TAF4: variants seen among roughly 807,000 people sequenced by gnomAD.
The protein encoded by TAF4 is transcription initiation factor TFIID subunit 4.
A neutral mutation model predicts 90.3 loss-of-function variants in TAF4; 9 were observed. The ratio of observed to expected loss-of-function variants is 0.10; its 90% CI spans 0.06 to 0.17. The LOEUF (loss-of-function observed/expected upper bound fraction) is 0.17. Among genes scored for constraint, TAF4 ranks in the 10% least tolerant of loss-of-function variants. The pLI is 1.00. For missense variants in TAF4, 1,351 were observed against 1,370.7 expected, an observed-to-expected ratio of 0.99 and a Z score of 0.23; for synonymous variants, 818 against 638.9, an observed-to-expected ratio of 1.28 and a Z score of -4.23.
At chr20:62,033,527 A>C (rs916950681) in intron 1 of TAF4, among the ~76,000 whole-genome samples, 4 of 152,146 alleles carry the variant, frequency 2.6e-5, no homozygotes, top group African/African-American at 9.7e-5. Context: ...ACTTGAGGTA[A>C]GGGGTTCAAG....
intron 1 of TAF4, among the ~76,000 whole-genome samples, chr20:62,045,805 T>C (rs1452868788): frequency 3.3e-5 from 5 of 149,572 alleles, no homozygotes; most frequent in East Asian, 3.9e-4. Context: ...CAGACGCTCC[T>C]GCTTGGACGA....
chr20:62,005,219 G>C (rs1009206238), intron 7 of TAF4: 1 of 152,170 alleles, frequency 6.6e-6, no homozygotes, highest in Non-Finnish European at 1.5e-5. Context: ...GCGGTGCAGG[G>C]AGCCTGTCAT....
Position 62,006,695 on chromosome 20 carries a change from G to A in TAF4, c.2038C>T (p.Gln680Ter). The change falls in exon 7 of 15, where the codon CAG (glutamine) becomes TAG (stop). Residue 680 changes from glutamine to a stop codon, truncating the protein, a stop_gained. Transcript: ENST00000252996. LOFTEE classifies it high-confidence loss of function. The surrounding 1 kb of genome is among the most constrained non-coding windows in gnomAD (Gnocchi z 7.0). ...DSAAFIQQSQ[Q>*]QPPPPTSQAT... ...TGCGAGGTGGGCGGTGGCGGCTGCT[G>A]CTGGCTCTGCTGGATGAAGGCCGCG... 1.3e-6 allele frequency: 2 copies of A among 1,589,982 alleles called. No individual in the cohort carries two copies. Among genetic ancestry groups the A allele is most frequent in the African/African-American group, 1.4e-5 (1 of 73,962 alleles).
Position 61,975,160 on chromosome 20 carries a change from T to TA in TAF4, c.*1007dup, listed in dbSNP as rs1019777756. On this transcript the variant is annotated 3_prime_UTR_variant, in exon 15 of 15. Coordinates refer to ENST00000252996, the MANE Select transcript of TAF4 (RefSeq NM_003185.4). ...AAAGAACCAATTAGTATATTTGTAA[T>TA]AAAAAAATAGGTACAAAGAAGGGGC... The TA allele has an allele frequency of 2.0e-5, 3 of 152,290 alleles. No individual in the cohort carries two copies. Among genetic ancestry groups the TA allele is most frequent in the African/African-American group, 4.8e-5 (2 of 41,422 alleles). The allele number at this position is 152,290 out of a possible 1,614,324, so 9.4% of individuals were successfully genotyped here.
At chr20:62,036,686 AG>A (rs1190569387) in intron 1 of TAF4, among the ~76,000 whole-genome samples, 1 of 152,274 alleles carries the variant, frequency 6.6e-6, no homozygotes, top group Non-Finnish European at 1.5e-5. Flanking sequence ...AGACTAAAAA[AG>A]AAAAACCATA....
rs1377489928 is a variant in TAF4, at chr20:61,997,912, G to GC, written c.2970+223dup. ...GCAAGTCAAAAGCACAGAGACTAAT[G>GC]CCCCCCGCAAAGGGAAGTCACCGTT... On this transcript the variant is annotated intron_variant, in intron 13 of 14. Transcript: ENST00000252996. 5.9e-5 allele frequency among the ~76,000 whole-genome samples: 9 copies of GC among 152,084 alleles called. 1 individual carries two copies. Among genetic ancestry groups the GC allele is most frequent in the Non-Finnish European group, 1.3e-4 (9 of 68,016 alleles).
At chr20:62,014,040 G>C (rs953751245) in intron 2 of TAF4, among the ~76,000 whole-genome samples, 1 of 134,750 alleles carries the variant, frequency 7.4e-6, no homozygotes, top group South Asian at 2.4e-4. Context: ...GTGTGTGTGT[G>C]TGTGTATGTG....
At chr20:62,001,933 G>C (rs760780660) in intron 9 of TAF4, among the ~76,000 whole-genome samples, 3 of 152,146 alleles carry the variant, frequency 2.0e-5, no homozygotes, top group Non-Finnish European at 4.4e-5. Context: ...AGTGTTACTG[G>C]GGCGTTACTG....
chr20:62,017,906 T>A (rs1442787678), intron 1 of TAF4, among the ~76,000 whole-genome samples: 1 of 150,476 alleles, frequency 6.6e-6, no homozygotes, highest in East Asian at 1.9e-4. Context: ...ATTAACAAAA[T>A]AGCAATGTGG....
chr20:62,063,516 G>C (rs995888518), intron 1 of TAF4, among the ~76,000 whole-genome samples: 2 of 152,232 alleles, frequency 1.3e-5, no homozygotes, highest in African/African-American at 4.8e-5. Flanking sequence ...TCAAACTTGA[G>C]GGGCCCTGAG....
intron 1 of TAF4, among the ~76,000 whole-genome samples, chr20:62,027,190 A>T (rs1314178199): frequency 2.0e-5 from 3 of 152,226 alleles, no homozygotes; most frequent in African/African-American, 7.2e-5. Context: ...CTCAGGGCCC[A>T]GTGCAGAAAC....
At position 61,975,987 on chromosome 20, in the gene TAF4, C is replaced by T. The variant is rs1379790952; in HGVS notation, c.*181G>A. On this transcript the variant is annotated 3_prime_UTR_variant, in exon 15 of 15. Coordinates refer to ENST00000252996, the MANE Select transcript of TAF4 (RefSeq NM_003185.4). ...TTGTCCTTTAAGAGTATCCACAGGCCTTTGTGTTCTCTCTGTTACAGAAAC... is the reference window on the plus strand; with the variant it reads ...TTGTCCTTTAAGAGTATCCACAGGCTTTTGTGTTCTCTCTGTTACAGAAAC... 1.5e-6 allele frequency: 1 copy of T among 650,148 alleles called. No individual in the cohort carries two copies. Among genetic ancestry groups the T allele is most frequent in the East Asian group, 2.8e-5 (1 of 36,308 alleles). 40.3% of individuals were successfully genotyped at this position (650,148 alleles called of 1,614,324 possible). A position where few individuals can be genotyped will look rare whatever the true frequency, so the allele number is the denominator to read the frequency against.
At chr20:62,035,822 C>T (rs1179937490) in intron 1 of TAF4, among the ~76,000 whole-genome samples, 2 of 152,000 alleles carry the variant, frequency 1.3e-5, no homozygotes, top group Non-Finnish European at 2.9e-5. Context: ...TACAAAGGAA[C>T]AGTAACCAGA....
intron 14 of TAF4, chr20:61,980,562 C>T (rs73297753): frequency 0.028 from 4,318 of 152,418 alleles, 126 homozygotes; most frequent in African/African-American, 0.074. Context: ...AAGGCCAGGT[C>T]ACTGGCAGCA....
chr20:62,014,059 T>G (rs575994206), intron 2 of TAF4, among the ~76,000 whole-genome samples: 3 of 151,540 alleles, frequency 2.0e-5, no homozygotes, highest in South Asian at 2.1e-4. Flanking sequence ...TGTGTGTGTG[T>G]GTGTGTCCCT....
chr20:62,062,288 C>G (rs1374983067), intron 1 of TAF4, among the ~76,000 whole-genome samples: 3 of 152,118 alleles, frequency 2.0e-5, no homozygotes, highest in Non-Finnish European at 4.4e-5. Context: ...TCTGATCAAT[C>G]GATTACAGGA....
At chr20:62,032,729 T>C (rs946999911) in intron 1 of TAF4, among the ~76,000 whole-genome samples, 1 of 152,174 alleles carries the variant, frequency 6.6e-6, no homozygotes, top group Admixed American at 6.5e-5. Flanking sequence ...AACCCAACTT[T>C]CAGACAACCT....
chr20:62,063,248 G>A (rs73915551), intron 1 of TAF4, among the ~76,000 whole-genome samples: 6,095 of 152,202 alleles, frequency 0.04, 355 homozygotes, highest in African/African-American at 0.13. Flanking sequence ...CACATACTTG[G>A]ACAAGAAATC....
At chr20:62,038,991 T>G (rs556309700) in intron 1 of TAF4, among the ~76,000 whole-genome samples, 47 of 152,314 alleles carry the variant, frequency 3.1e-4, no homozygotes, top group Non-Finnish European at 6.3e-4. Context: ...AGTCGGAGCT[T>G]GCAGTGAGCC....
Sources: gnomAD v4.1 joint callset for allele counts (sites outside exome capture counted in the v4.1 genomes callset) on GRCh38, gnomAD v4.1.1 for gene constraint, Gnocchi (gnomAD v3.1) non-coding constraint, MANE v1.5 for transcripts, NCBI Gene and HGNC (gene_info 2026-07-23, HGNC 2026-07-21) for gene names.